NFKBIE: variants seen among roughly 807,000 people sequenced by gnomAD.
NFKBIE encodes the protein NF-kappa-B inhibitor epsilon.
Under a neutral mutation model 31.6 loss-of-function variants are expected in NFKBIE, and 11 were observed. The ratio of observed to expected loss-of-function variants is 0.35; its 90% CI spans 0.22 to 0.58. The LOEUF (loss-of-function observed/expected upper bound fraction) is 0.58. Ranked by LOEUF, NFKBIE falls within the 20% of genes least tolerant of loss-of-function variation. The pLI is 0.83. For missense variants in NFKBIE, 354 were observed against 465.7 expected (o/e 0.76, Z 2.21); for synonymous variants, 208 against 210.1 (o/e 0.99, Z 0.09).
Position 44,265,532 on chromosome 6 carries a change from A to G in NFKBIE, c.-186T>C. 1.9e-6 allele frequency: 3 copies of G among 1,569,866 alleles called. No individual in the cohort carries two copies. Among genetic ancestry groups the G allele is most frequent in the Non-Finnish European group, 2.6e-6 (3 of 1,159,630 alleles). On this transcript the variant is annotated 5_prime_UTR_variant, in exon 1 of 6. Transcript: ENST00000619360. ...GAGGACAAGGTTCGGAGCGCTGGCCAGGTCCACCCAGCGGTTACTGTGGGC... is the reference window on the plus strand; with the variant it reads ...GAGGACAAGGTTCGGAGCGCTGGCCGGGTCCACCCAGCGGTTACTGTGGGC...
chr6:44,265,534 G>A lies in NFKBIE; in HGVS notation c.-188C>T. ...GGACAAGGTTCGGAGCGCTGGCCAG[G>A]TCCACCCAGCGGTTACTGTGGGCAG... On this transcript the variant is annotated 5_prime_UTR_variant, in exon 1 of 6. Coordinates refer to ENST00000619360, the MANE Select transcript of NFKBIE (RefSeq NM_004556.3). 3.2e-6 allele frequency: 5 copies of A among 1,570,752 alleles called. No individual in the cohort carries two copies. The highest frequency in any genetic ancestry group is 4.3e-6 in the Non-Finnish European group (5 of 1,160,124).
chr6:44,265,006 G>C lies in NFKBIE; in HGVS notation c.341C>G (p.Thr114Ser). The change falls in exon 1 of 6, where the codon ACT becomes AGT. Residue 114 changes from threonine to serine, a missense_variant. Coordinates refer to ENST00000619360, the MANE Select transcript of NFKBIE (RefSeq NM_004556.3). The stretch of plus-strand genomic sequence containing the variant: ...CGTGTCTCCGTCCTCGGAGATGTAA[G>C]TGAGTGCTTCCAGCTGCTGAGGGCT... ...ALSPQQLEAL[T>S]YISEDGDTLV... The C allele has an allele frequency of 6.3e-7, 1 of 1,582,182 alleles. No homozygotes were observed.
Position 44,263,813 on chromosome 6 carries a change from C to T in NFKBIE, c.366-1151G>A, listed in dbSNP as rs1003349952. Among the ~76,000 whole-genome samples the T allele has an allele frequency of 4.6e-5, 7 of 152,168 alleles. No homozygotes were observed. The highest frequency in any genetic ancestry group is 3.9e-4 in the Admixed American group (6 of 15,278). ...ACACACACCCAATCTGGACACAACA[C>T]CTGCTTCTAACTAGAGATGGAAAAG... On this transcript the variant is annotated intron_variant, in intron 1 of 5. Coordinates refer to ENST00000619360, the MANE Select transcript of NFKBIE (RefSeq NM_004556.3). The surrounding 1 kb of genome is among the most constrained non-coding windows in gnomAD (Gnocchi z 5.0).
In NFKBIE at chr6:44,265,451, CG is replaced by C; in HGVS notation, c.-106del. On this transcript the variant is annotated 5_prime_UTR_variant, in exon 1 of 6. Coordinates refer to ENST00000619360, the MANE Select transcript of NFKBIE (RefSeq NM_004556.3). ...GGGTCCGCTTGGCAGAGCGGGCGCC[CG>C]GCCCGCGGCGGCCTCCTTCCCGGGC... is the stretch of plus-strand genomic sequence containing the variant. 6.6e-7 allele frequency: 1 copy of C among 1,506,602 alleles called. No individual in the cohort carries two copies. Among genetic ancestry groups the C allele is most frequent in the Non-Finnish European group, 8.8e-7 (1 of 1,134,988 alleles). The allele number at this position is 1,506,602 out of a possible 1,614,324, so 93.3% of individuals were successfully genotyped here.
At chr6:44,259,553 C>A (rs934146425) in intron 5 of NFKBIE, among the ~76,000 whole-genome samples, 1 of 151,208 alleles carries the variant, frequency 6.6e-6, no homozygotes, top group Admixed American at 6.6e-5. Flanking sequence ...AGCCCATGGA[C>A]CTGGAGTTGT....
chr6:44,264,933 G>C, intron 1 of NFKBIE, 49 bp downstream of exon 1: 1 of 1,536,890 alleles, frequency 6.5e-7, no homozygotes, highest in Non-Finnish European at 8.7e-7. Context: ...TGCGGCTCTT[G>C]GGCAGGCCCA....
chr6:44,260,850 C>CAG lies in NFKBIE; in HGVS notation c.692-312_692-311insCT. Among the ~76,000 whole-genome samples, 1 of 84,464 alleles carries CAG rather than the reference C, an allele frequency of 1.2e-5. No individual in the cohort carries two copies. The highest frequency in any genetic ancestry group is 5.4e-4 in the South Asian group (1 of 1,844). The allele number at this position is 84,464 out of a possible 152,430, so 55.4% of individuals were successfully genotyped here. A position where few individuals can be genotyped will look rare whatever the true frequency, so the allele number is the denominator to read the frequency against. ...CAACACACACACACACACACACACA[C>CAG]ACACATACAGACACACACACACACA... On this transcript the variant is annotated intron_variant, in intron 3 of 5. Transcript: ENST00000619360. The surrounding 1 kb of genome is among the most constrained non-coding windows in gnomAD (Gnocchi z 5.5).
intron 2 of NFKBIE, among the ~76,000 whole-genome samples, chr6:44,262,311 C>T (rs1380862096): frequency 6.6e-6 from 1 of 152,194 alleles, no homozygotes; most frequent in Non-Finnish European, 1.5e-5. Flanking sequence ...CCTATAGCAG[C>T]TGGTATGTGT....
At position 44,260,826 on chromosome 6, in the gene NFKBIE, A is replaced by AACACACACACACACACACAC. The variant is rs369958691; in HGVS notation, c.692-307_692-288dup. 3.3e-3 allele frequency among the ~76,000 whole-genome samples: 394 copies of AACACACACACACACACACAC among 119,110 alleles called. 2 individuals carry two copies. Among genetic ancestry groups the AACACACACACACACACACAC allele is most frequent in the Non-Finnish European group, 5.3e-3 (295 of 55,646 alleles). 78.1% of individuals were successfully genotyped at this position (119,110 alleles called of 152,430 possible). A position where few individuals can be genotyped will look rare whatever the true frequency, so the allele number is the denominator to read the frequency against. On this transcript the variant is annotated intron_variant, in intron 3 of 5. Transcript: ENST00000619360. This position sits in a 1 kb window ranked among gnomAD's most constrained non-coding sequence, Gnocchi z 5.5. ...CACCCTCCTCCTATACACAAACTAC[A>AACACACACACACACACACAC]ACACACACACACACACACACACACA...
At position 44,260,007 on chromosome 6, in the gene NFKBIE, T is replaced by C. The variant is rs199629224; in HGVS notation, c.1020+36A>G. On this transcript the variant is annotated intron_variant, in intron 5 of 5. Coordinates refer to ENST00000619360, the MANE Select transcript of NFKBIE (RefSeq NM_004556.3). The surrounding 1 kb of genome is among the most constrained non-coding windows in gnomAD (Gnocchi z 5.5). ...ACAGAACCTCTCTCTGCTATGGGTG[T>C]GCAAGGCCCTGGAGAGCAAAGCATA... is the stretch of plus-strand genomic sequence containing the variant. The C allele has an allele frequency of 6.2e-7, 1 of 1,600,454 alleles. No individual in the cohort carries two copies. Among genetic ancestry groups the C allele is most frequent in the East Asian group, 2.2e-5 (1 of 44,494 alleles).
Position 44,262,626 on chromosome 6 carries a change from C to T in NFKBIE, c.402G>A (p.Ala134=), listed in dbSNP as rs1347380240. The T allele has an allele frequency of 1.2e-6, 2 of 1,614,122 alleles. No homozygotes were observed. Among genetic ancestry groups the T allele is most frequent in the Non-Finnish European group, 1.7e-6 (2 of 1,179,988 alleles). The change falls in exon 2 of 6, where the codon GCG becomes GCA. Residue 134 remains alanine (A), a synonymous_variant. Coordinates refer to ENST00000619360, the MANE Select transcript of NFKBIE (RefSeq NM_004556.3). ...GCAAAGCCAGGCAACAGAGCAGCACCGCTGGGGCCTCATGAATCACTGCCA... is the reference window on the plus strand; with the variant it reads ...GCAAAGCCAGGCAACAGAGCAGCACTGCTGGGGCCTCATGAATCACTGCCA... ...VHLAVIHEAP[A]VLLCCLALLP...
chr6:44,260,441 G>T lies in NFKBIE; in HGVS notation c.780+10C>A. ...CCCTGGGCCGGGCAGTGCTTTGCTG[G>T]CTGTCTCACCTGCACATCAATGTCA... On this transcript the variant is annotated intron_variant, in intron 4 of 5. Coordinates refer to ENST00000619360, the MANE Select transcript of NFKBIE (RefSeq NM_004556.3). This position sits in a 1 kb window ranked among gnomAD's most constrained non-coding sequence, Gnocchi z 5.5. 6.2e-7 allele frequency: 1 copy of T among 1,614,182 alleles called. No individual in the cohort carries two copies. Among genetic ancestry groups the T allele is most frequent in the Non-Finnish European group, 8.5e-7 (1 of 1,180,008 alleles).
In NFKBIE at chr6:44,265,008, G is replaced by C. The variant is rs901873533; in HGVS notation, c.339C>G (p.Leu113=). 3.2e-6 allele frequency: 5 copies of C among 1,583,098 alleles called. No individual in the cohort carries two copies. In the African/African-American group the frequency reaches 6.7e-5, roughly 21 times the overall value. ...GALSPQQLEA[L]TYISEDGDTL... ...TGTCTCCGTCCTCGGAGATGTAAGT[G>C]AGTGCTTCCAGCTGCTGAGGGCTCA... The change falls in exon 1 of 6, where the codon CTC becomes CTG. Residue 113 remains leucine, a synonymous_variant. Coordinates refer to ENST00000619360, the MANE Select transcript of NFKBIE (RefSeq NM_004556.3).
chr6:44,265,162 T>G lies in NFKBIE; in HGVS notation c.185A>C (p.Glu62Ala). The G allele has an allele frequency of 1.3e-6, 2 of 1,551,908 alleles. No individual in the cohort carries two copies. The highest frequency in any genetic ancestry group is 1.7e-6 in the Non-Finnish European group (2 of 1,147,056). The part of the protein sequence containing the change: ...PGPVKEPQEK[E>A]DADGERADST... ...ATCAGCCCGCTCCCCATCCGCGTCT[T>G]CCTTCTCCTGTGGTTCCTTGACGGG... The change falls in exon 1 of 6, where the codon GAA becomes GCA. Residue 62 changes from glutamate (E) to alanine (A), a missense_variant. Transcript: ENST00000619360.
rs1198725755 is a variant in NFKBIE at position 44,263,439 on chromosome 6, C to A, written c.366-777G>T. Among the ~76,000 whole-genome samples, 3 of 151,546 alleles carry A rather than the reference C, an allele frequency of 2.0e-5. No individual in the cohort carries two copies. The highest frequency in any genetic ancestry group is 2.0e-4 in the Admixed American group (3 of 15,224). On this transcript the variant is annotated intron_variant, in intron 1 of 5. Coordinates refer to ENST00000619360, the MANE Select transcript of NFKBIE (RefSeq NM_004556.3). The surrounding 1 kb of genome is among the most constrained non-coding windows in gnomAD (Gnocchi z 5.0). ...CAGTGATGGAGGGTCTAGGCCGGGA[C>A]AGCTGCCTTGGGGCATTAGTGAGGG...
chr6:44,259,719 A>G (rs1002388382), intron 5 of NFKBIE, among the ~76,000 whole-genome samples: 1 of 152,214 alleles, frequency 6.6e-6, no homozygotes, highest in Non-Finnish European at 1.5e-5. Flanking sequence ...AACTGGGCCT[A>G]CACTCCTGCT....
intron 1 of NFKBIE, among the ~76,000 whole-genome samples, chr6:44,264,038 GC>G (rs1400415769): frequency 6.6e-6 from 1 of 151,946 alleles, no homozygotes; most frequent in Admixed American, 6.6e-5. Context: ...TTTATCAATG[GC>G]CACCCAGGAT....
At position 44,260,061 on chromosome 6, in the gene NFKBIE, G is replaced by T; in HGVS notation, c.1002C>A (p.Pro334=). The stretch of plus-strand genomic sequence containing the variant: ...CACTTACTTCCTCAGTCAGGTCCTG[G>T]GGCGTCTCATCCTCCACATTCCGCA... ...SLLRNVEDET[P]QDLTEESLVL... Residue 334 remains proline, a synonymous_variant, in exon 5 of 6, where the codon CCC becomes CCA. Transcript: ENST00000619360. This position sits in a 1 kb window ranked among gnomAD's most constrained non-coding sequence, Gnocchi z 5.5. The T allele has an allele frequency of 6.2e-7, 1 of 1,613,840 alleles. No individual in the cohort carries two copies. Among genetic ancestry groups the T allele is most frequent in the Non-Finnish European group, 8.5e-7 (1 of 1,179,760 alleles).
rs1456782605 is a variant in NFKBIE, at chr6:44,261,188, CT to C, written c.691+437del. Among the ~76,000 whole-genome samples, 1 of 152,228 alleles carries C rather than the reference CT, an allele frequency of 6.6e-6. No individual in the cohort carries two copies. The highest frequency in any genetic ancestry group is 1.5e-5 in the Non-Finnish European group (1 of 68,034). On this transcript the variant is annotated intron_variant, in intron 3 of 5. Coordinates refer to ENST00000619360, the MANE Select transcript of NFKBIE (RefSeq NM_004556.3). The surrounding 1 kb of genome is among the most constrained non-coding windows in gnomAD (Gnocchi z 4.3). ...ACTCCCCACATTCCTTCCTCTCACT[CT>C]GCTCTGCTTTTTACTACAGCACTTA...
Sources: allele counts gnomAD v4.1 joint callset (sites outside exome capture counted in the v4.1 genomes callset), GRCh38; gene constraint gnomAD v4.1.1; non-coding constraint Gnocchi (gnomAD v3.1); transcripts MANE v1.5; gene names NCBI Gene and HGNC (gene_info 2026-07-23, HGNC 2026-07-21).